The following HPD variants were observed in gnomAD, a reference collection of about 807,000 sequenced individuals.
HPD encodes the protein 4-hydroxyphenylpyruvic acid oxidase.
In HPD, 35 loss-of-function variants were observed where a neutral mutation model predicts 56.9. That is an observed-to-expected ratio of 0.62 (90% CI 0.47 to 0.82). The LOEUF is 0.82. HPD is among the 40% of genes least tolerant of loss of function. The pLI, the probability that HPD is intolerant of heterozygous loss-of-function variation, is 0.00. For synonymous variants in HPD, 186 were observed against 200.2 expected, an observed-to-expected ratio of 0.93 and a Z score of 0.60; for missense variants, 442 against 506.8, an observed-to-expected ratio of 0.87 and a Z score of 1.23.
chr12:121,857,580 C>G, intron 3 of HPD, 148 bp from the exon 4 acceptor site: 1 of 825,780 alleles, frequency 1.2e-6, no homozygotes, highest in South Asian at 1.4e-5. Context: ...GCTGCCTGCA[C>G]ATTTTGCTGA....
the HPD span, among the ~76,000 whole-genome samples, chr12:121,886,935 G>C: frequency 6.6e-6 from 1 of 151,738 alleles, no homozygotes; most frequent in African/African-American, 2.4e-5. Flanking sequence ...AGTCTCACTC[G>C]GTCACTCAGG....
At chr12:121,872,362 G>C in the HPD span, among the ~76,000 whole-genome samples, 4 of 151,598 alleles carry the variant, frequency 2.6e-5, no homozygotes, top group Admixed American at 6.6e-5. Context: ...GAGTAGCTGG[G>C]ACTAACAGGA....
chr12:121,875,681 G>A, the HPD span, among the ~76,000 whole-genome samples: 17 of 151,998 alleles, frequency 1.1e-4, no homozygotes, highest in East Asian at 1.9e-4. Context: ...CCACTTCGGC[G>A]TCCCAAAGTG....
chr12:121,858,032 G>T (rs190992001), intron 2 of HPD, among the ~76,000 whole-genome samples: 1 of 147,290 alleles, frequency 6.8e-6, no homozygotes, highest in Non-Finnish European at 1.5e-5. Context: ...ACCCCCTCAG[G>T]AGGCCTGCCA....
intron 7 of HPD, among the ~76,000 whole-genome samples, chr12:121,853,782 A>G (rs1377672213): frequency 2.0e-5 from 3 of 151,492 alleles, no homozygotes; most frequent in African/African-American, 7.3e-5. Context: ...TGTCTCTACT[A>G]AAAACACAAA....
chr12:121,883,520 C>A, the HPD span, among the ~76,000 whole-genome samples: 37 of 151,784 alleles, frequency 2.4e-4, no homozygotes, highest in African/African-American at 9.7e-5. Context: ...ATAATGACAG[C>A]AATATTGACA....
At chr12:121,855,972 CA>C (rs57671436) in intron 6 of HPD, among the ~76,000 whole-genome samples, 286 of 65,324 alleles carry the variant, frequency 4.4e-3, no homozygotes, top group Middle Eastern at 0.014. Flanking sequence ...CTCCGTCTCA[CA>C]AAAAAAAAAA....
the HPD span, among the ~76,000 whole-genome samples, chr12:121,871,666 G>A: frequency 6.6e-6 from 1 of 152,192 alleles, no homozygotes; most frequent in South Asian, 2.1e-4. Flanking sequence ...GAGCCCATGT[G>A]TCTGAGCTTT....
In HPD at chr12:121,857,755, A is replaced by G. The variant is rs113367095; in HGVS notation, c.93+2T>C. ...ACTCCAGCACCTTGCCCCGGCTTCT[A>G]CCTGCTTGGCGTTGCCAACCCAGAA... On this transcript the variant is annotated splice_donor_variant, in intron 3 of 13. Transcript: ENST00000289004. LOFTEE classifies it high-confidence loss of function. 3 of 1,613,434 alleles carry G rather than the reference A, an allele frequency of 1.9e-6. No homozygotes were observed. Among genetic ancestry groups the G allele is most frequent in the Non-Finnish European group, 2.5e-6 (3 of 1,179,426 alleles).
At chr12:121,842,479 G>T (rs907806439) in intron 12 of HPD, among the ~76,000 whole-genome samples, 1 of 152,034 alleles carries the variant, frequency 6.6e-6, no homozygotes, top group Non-Finnish European at 1.5e-5. Flanking sequence ...AGGCTGGAGT[G>T]CAGTGGCCTG....
chr12:121,863,627 G>A (rs1878242946), upstream of HPD: 2 of 152,056 alleles, frequency 1.3e-5, no homozygotes, highest in Non-Finnish European at 2.9e-5. Flanking sequence ...AAAAGCATTG[G>A]TGGCGAGCCA....
In HPD at chr12:121,852,059, A is replaced by C. The variant is rs372604873; in HGVS notation, c.415-2269T>G. ...TTTTGAGACAGAGTCTCACTCTGTCAACCAGGCTGAAGTGCAGTGGTGTGA... is the reference window on the plus strand; with the variant it reads ...TTTTGAGACAGAGTCTCACTCTGTCCACCAGGCTGAAGTGCAGTGGTGTGA... On this transcript the variant is annotated intron_variant, in intron 7 of 13. Transcript: ENST00000289004. Among the ~76,000 whole-genome samples the C allele has an allele frequency of 4.9e-4, 74 of 152,032 alleles. No homozygotes were observed. The East Asian group carries it at 6.4e-3, about 13-fold the overall frequency.
At chr12:121,849,223 A>T in intron 8 of HPD, 147 bp from the exon 9 acceptor site, 1 of 518,260 alleles carries the variant, frequency 1.9e-6, no homozygotes, top group South Asian at 2.0e-5. Flanking sequence ...AAAAAGAGAG[A>T]CTCTTTTTTT....
chr12:121,886,370 A>C, the HPD span, among the ~76,000 whole-genome samples: 1 of 149,862 alleles, frequency 6.7e-6, no homozygotes, highest in Admixed American at 6.7e-5. Flanking sequence ...GGCCTCCCAA[A>C]GTGCTGGGAT....
In HPD at chr12:121,847,262, C is replaced by T. The variant is rs751479978; in HGVS notation, c.597-48G>A. 3.7e-5 allele frequency: 58 copies of T among 1,579,766 alleles called. 1 individual carries two copies. The highest frequency in any genetic ancestry group is 8.4e-5 in the Admixed American group (5 of 59,714). ...CATATGCTCTGAGCGCCTCCAGGGA[C>T]GGCCTCCATCACCCATTTCCACCTT... On this transcript the variant is annotated intron_variant, in intron 9 of 13. Transcript: ENST00000289004.
the HPD span, among the ~76,000 whole-genome samples, chr12:121,876,197 G>C: frequency 1.8e-4 from 27 of 152,248 alleles, 1 homozygote; most frequent in Admixed American, 1.5e-3. Context: ...TGTAGTCCCA[G>C]CTACCTGAGA....
chr12:121,853,104 T>G (rs1325962392), intron 7 of HPD, among the ~76,000 whole-genome samples: 1 of 152,104 alleles, frequency 6.6e-6, no homozygotes, highest in Non-Finnish European at 1.5e-5. Flanking sequence ...ATGTTCTCAC[T>G]TAGAAGTGAG....
chr12:121,840,322 A>G (rs1226977377), intron 12 of HPD, among the ~76,000 whole-genome samples: 1 of 151,998 alleles, frequency 6.6e-6, no homozygotes, highest in Non-Finnish European at 1.5e-5. Flanking sequence ...CTTTTTTGAG[A>G]CGGAGCCTTG....
chr12:121,853,829 C>T (rs1333975123), intron 7 of HPD, among the ~76,000 whole-genome samples: 1 of 151,344 alleles, frequency 6.6e-6, no homozygotes, highest in African/African-American at 2.4e-5. Flanking sequence ...CTGTAATCCC[C>T]AGGAGGCTGA....
Sources: allele counts gnomAD v4.1 joint callset (sites outside exome capture counted in the v4.1 genomes callset), GRCh38; gene constraint gnomAD v4.1.1; transcripts MANE v1.5; gene names NCBI Gene and HGNC (gene_info 2026-07-23, HGNC 2026-07-21).